EFCAB6: variants seen among roughly 807,000 people sequenced by gnomAD.
EFCAB6 encodes the protein EF-hand calcium binding domain 6.
In EFCAB6, 156 loss-of-function variants were observed where a neutral mutation model predicts 169.8. That is an observed-to-expected ratio of 0.92 (90% confidence interval 0.81 to 1.05). The LOEUF (loss-of-function observed/expected upper bound fraction) is 1.05. Ranked by LOEUF, EFCAB6 falls within the 50% of genes least tolerant of loss-of-function variation. The probability of loss-of-function intolerance (pLI) is 0.00; values close to 1 mark genes in which losing one functional copy is unlikely to be tolerated. For synonymous variants in EFCAB6, 698 were observed against 676.4 expected, an observed-to-expected ratio of 1.03 and a Z score of -0.50; for missense variants, 1,800 against 1,829.1, an observed-to-expected ratio of 0.98 and a Z score of 0.29.
At chr22:43,690,343 C>CAAAAAAAAAAA (rs137802) in intron 10 of EFCAB6, among the ~76,000 whole-genome samples, 161 of 94,614 alleles carry the variant, frequency 1.7e-3, no homozygotes, top group African/African-American at 2.9e-3. Context: ...ACTAAAAATA[C>CAAAAAAAAAAA]AAAAAAAAAA....
At chr22:43,677,948 T>C in intron 13 of EFCAB6, 48 bp downstream of exon 13, 1 of 1,565,330 alleles carries the variant, frequency 6.4e-7, no homozygotes, top group Non-Finnish European at 8.7e-7. Flanking sequence ...ATACTGAAAT[T>C]TCCCAACATA....
intron 23 of EFCAB6, among the ~76,000 whole-genome samples, chr22:43,591,234 G>A: frequency 6.6e-6 from 1 of 150,752 alleles, no homozygotes. Context: ...GCGGTGGGTA[G>A]ATCACGAGGT....
chr22:43,796,152 A>G (rs2062501256), intron 2 of EFCAB6, among the ~76,000 whole-genome samples: 1 of 152,006 alleles, frequency 6.6e-6, no homozygotes, highest in Non-Finnish European at 1.5e-5. Context: ...TTTCCACGCC[A>G]TCCACAATTC....
chr22:43,747,361 T>C (rs542966751), intron 6 of EFCAB6, among the ~76,000 whole-genome samples: 1 of 152,242 alleles, frequency 6.6e-6, no homozygotes, highest in African/African-American at 2.4e-5. Flanking sequence ...ACGTACATTG[T>C]GAATCCTCAA....
chr22:43,607,901 G>A (rs2053032362), intron 22 of EFCAB6, among the ~76,000 whole-genome samples: 2 of 152,158 alleles, frequency 1.3e-5, no homozygotes, highest in African/African-American at 4.8e-5. Context: ...ACCATAACTG[G>A]GGGCCCAATT....
In EFCAB6 at chr22:43,805,599, T is replaced by A. The variant is rs577370783; in HGVS notation, c.-8+3396A>T. On this transcript the variant is annotated intron_variant, in intron 2 of 31. Transcript: ENST00000262726. ...AGAGGTTGATTAATGGGTACAAATA[T>A]ATGGTCTGATAGAAGAAATAACACC... Among the ~76,000 whole-genome samples the A allele has an allele frequency of 9.9e-5, 15 of 152,242 alleles. No individual in the cohort carries two copies. The South Asian group carries it at 3.1e-3, about 32-fold the overall frequency.
chr22:43,588,050 G>A (rs984122079), intron 24 of EFCAB6, among the ~76,000 whole-genome samples: 1 of 152,192 alleles, frequency 6.6e-6, no homozygotes, highest in African/African-American at 2.4e-5. Flanking sequence ...ATTTAACTGA[G>A]AATCTTGTAT....
chr22:43,765,415 G>A (rs2061296188), intron 4 of EFCAB6, 22 bp from the exon 5 acceptor site: 1 of 1,576,282 alleles, frequency 6.3e-7, no homozygotes, highest in African/African-American at 1.4e-5. Context: ...GGAGAAGAAT[G>A]ACAACATGTT....
At chr22:43,692,154 A>G (rs888837568) in intron 10 of EFCAB6, among the ~76,000 whole-genome samples, 2 of 152,210 alleles carry the variant, frequency 1.3e-5, no homozygotes, top group Non-Finnish European at 2.9e-5. Flanking sequence ...CAGAATATAT[A>G]CTCAAAATAG....
At position 43,586,926 on chromosome 22, in the gene EFCAB6, G is replaced by A. The variant is rs150632053; in HGVS notation, c.3032+3148C>T. 5.2e-3 allele frequency among the ~76,000 whole-genome samples: 786 copies of A among 152,290 alleles called. 11 individuals carry two copies. Among genetic ancestry groups the A allele is most frequent in the African/African-American group, 0.018 (744 of 41,552 alleles). On this transcript the variant is annotated intron_variant, in intron 24 of 31. Transcript: ENST00000262726. ...ATAAACTCCGAAGGACTAGGAGTAT[G>A]TGGAAGAAGAGAACAGCTGCTGGAG... is the stretch of plus-strand genomic sequence containing the variant.
rs1333626012 is a variant in EFCAB6 at position 43,529,535 on chromosome 22, G to A, written c.4384-560C>T. Among the ~76,000 whole-genome samples the A allele has an allele frequency of 2.0e-5, 3 of 152,324 alleles. No individual in the cohort carries two copies. The East Asian group carries it at 5.8e-4, about 29-fold the overall frequency. On this transcript the variant is annotated intron_variant, in intron 31 of 31. Coordinates refer to ENST00000262726, the MANE Select transcript of EFCAB6 (RefSeq NM_022785.4). ...CCGGGAACATGTCTCAGCCTCTCTT[G>A]CAGCTAGGTATGTTCTGGCCTGAGA... is the stretch of plus-strand genomic sequence containing the variant.
At chr22:43,784,178 AAGAGT>A (rs1328363037) in intron 2 of EFCAB6, among the ~76,000 whole-genome samples, 2 of 152,202 alleles carry the variant, frequency 1.3e-5, no homozygotes, top group African/African-American at 2.4e-5. Context: ...CAAGAAAGAA[AAGAGT>A]AGAGTGAAAT....
chr22:43,738,001 C>T (rs28973156), intron 6 of EFCAB6, among the ~76,000 whole-genome samples: 1 of 151,612 alleles, frequency 6.6e-6, no homozygotes, highest in Non-Finnish European at 1.5e-5. Context: ...TATTCACACA[C>T]ACATGCACAT....
intron 6 of EFCAB6, among the ~76,000 whole-genome samples, chr22:43,752,928 T>C (rs1278792301): frequency 6.6e-6 from 1 of 152,172 alleles, no homozygotes; most frequent in Non-Finnish European, 1.5e-5. Context: ...AGGGTTTTAG[T>C]GGTGTTCAGC....
chr22:43,613,742 C>A (rs1158843936), intron 21 of EFCAB6, among the ~76,000 whole-genome samples: 1 of 152,158 alleles, frequency 6.6e-6, no homozygotes, highest in East Asian at 1.9e-4. Context: ...TAAACCTGCA[C>A]ACATATCCCT....
chr22:43,672,379 C>G (rs2057532257), intron 13 of EFCAB6, 74 bp from the exon 14 acceptor site: 1 of 1,507,340 alleles, frequency 6.6e-7, no homozygotes, highest in Non-Finnish European at 9.1e-7. Context: ...GGCAGGTGGA[C>G]CTGGACTGGA....
At chr22:43,578,808 AGGCATCATTCCCTACACG>A (rs2050447932) in intron 25 of EFCAB6, among the ~76,000 whole-genome samples, 1 of 124,234 alleles carries the variant, frequency 8.0e-6, no homozygotes, top group African/African-American at 2.6e-5. Context: ...CCCTACATGC[AGGCATCATTCCCTACACG>A]CAGGCATCAT....
intron 2 of EFCAB6, among the ~76,000 whole-genome samples, chr22:43,786,444 G>A (rs899768555): frequency 2.0e-5 from 3 of 152,150 alleles, no homozygotes; most frequent in South Asian, 2.1e-4. Flanking sequence ...GAAAGTGGCC[G>A]GGCACAGTGG....
chr22:43,554,841 A>C (rs746121220), intron 27 of EFCAB6, 28 bp downstream of exon 27: 1 of 1,596,146 alleles, frequency 6.3e-7, no homozygotes, highest in South Asian at 1.1e-5. Context: ...AACGGTGTGC[A>C]GGGTGAGGAC....
Sources: gnomAD v4.1 joint callset for allele counts (sites outside exome capture counted in the v4.1 genomes callset) on GRCh38, gnomAD v4.1.1 for gene constraint, MANE v1.5 for transcripts, NCBI Gene and HGNC (gene_info 2026-07-23, HGNC 2026-07-21) for gene names.